The following CCDC102A variants were observed in gnomAD, a reference collection of about 807,000 sequenced individuals.
CCDC102A encodes coiled-coil domain-containing protein 102A.
A neutral mutation model predicts 55.5 loss-of-function variants in CCDC102A; 40 were observed. The observed-to-expected ratio is 0.72, with a 90% CI of 0.56 to 0.94. CCDC102A has a LOEUF of 0.94. CCDC102A is among the 40% of genes least tolerant of loss of function. The pLI is 0.00. For synonymous variants in CCDC102A, 323 were observed against 339.0 expected, an observed-to-expected ratio of 0.95 and a Z score of 0.52; for missense variants, 779 against 768.6, an observed-to-expected ratio of 1.01 and a Z score of -0.16.
chr16:57,520,094 A>G (rs547750906), intron 4 of CCDC102A, among the ~76,000 whole-genome samples: 2 of 152,322 alleles, frequency 1.3e-5, no homozygotes, highest in South Asian at 4.1e-4. Context: ...GGCTGCCATG[A>G]GGCTTCAGTG....
intron 1 of CCDC102A, among the ~76,000 whole-genome samples, chr16:57,533,426 T>TACAGCACAGCCCTGGGGAC (rs2032308021): frequency 1.3e-5 from 2 of 151,364 alleles, no homozygotes; most frequent in Admixed American, 6.6e-5. Flanking sequence ...GCCCCACTCA[T>TACAGCACAGCCCTGGGGAC]ACAGCACAGC....
intron 2 of CCDC102A, among the ~76,000 whole-genome samples, chr16:57,527,997 G>C (rs368358661): frequency 1.3e-5 from 2 of 152,322 alleles, no homozygotes; most frequent in East Asian, 1.9e-4. Context: ...GCCCAGGCTG[G>C]AGTGCAGCAG....
intron 2 of CCDC102A, among the ~76,000 whole-genome samples, chr16:57,527,418 CTT>C (rs779320962): frequency 1.9e-4 from 17 of 87,454 alleles, no homozygotes; most frequent in African/African-American, 7.7e-4. Flanking sequence ...ATTGCTGCTG[CTT>C]TTTTTTTTTT....
intron 2 of CCDC102A, among the ~76,000 whole-genome samples, chr16:57,527,515 G>T (rs1393254933): frequency 6.6e-6 from 1 of 151,468 alleles, no homozygotes; most frequent in Non-Finnish European, 1.5e-5. Context: ...CACCTCTCGG[G>T]TTAAAGCAAT....
chr16:57,528,532 A>T (rs966571878), intron 2 of CCDC102A, 61 bp downstream of exon 2: 4 of 1,094,972 alleles, frequency 3.7e-6, no homozygotes, highest in East Asian at 1.0e-4. Flanking sequence ...CCAGCAGCTC[A>T]GGACAATCGG....
At chr16:57,513,507 T>C (rs969828236) in intron 8 of CCDC102A, among the ~76,000 whole-genome samples, 6 of 152,174 alleles carry the variant, frequency 3.9e-5, no homozygotes, top group Non-Finnish European at 7.3e-5. Flanking sequence ...TGCACAGTGA[T>C]TTAGTGAGCT....
Position 57,528,914 on chromosome 16 carries a change from C to G in CCDC102A, c.264G>C (p.Ala88=). Residue 88 remains alanine, a synonymous_variant, in exon 2 of 9, where the codon GCG becomes GCC. Coordinates refer to ENST00000258214, the MANE Select transcript of CCDC102A (RefSeq NM_033212.4). ...RELEEARARA[A]QMEKTMRRWS... is the part of the protein sequence containing the mutation. ...ACCGGCGCATGGTCTTCTCCATCTGCGCCGCCCGCGCCCGCGCCTCCTCCA... is the reference window on the plus strand; with the variant it reads ...ACCGGCGCATGGTCTTCTCCATCTGGGCCGCCCGCGCCCGCGCCTCCTCCA... The G allele has an allele frequency of 2.1e-6, 3 of 1,404,092 alleles. No individual in the cohort carries two copies. Among genetic ancestry groups the G allele is most frequent in the Non-Finnish European group, 2.8e-6 (3 of 1,070,476 alleles). The allele number at this position is 1,404,092 out of a possible 1,614,324, so 87.0% of individuals were successfully genotyped here.
chr16:57,522,360 T>C (rs2032066854), intron 3 of CCDC102A, among the ~76,000 whole-genome samples: 1 of 152,038 alleles, frequency 6.6e-6, no homozygotes, highest in African/African-American at 2.4e-5. Context: ...GGGGAGGTGG[T>C]CAGGGCTCCA....
intron 1 of CCDC102A, among the ~76,000 whole-genome samples, chr16:57,532,500 G>A (rs2032285197): frequency 6.6e-6 from 1 of 152,118 alleles, no homozygotes; most frequent in Non-Finnish European, 1.5e-5. Context: ...ACACAGACAT[G>A]CAATCCCATG....
Position 57,512,519 on chromosome 16 carries a change from C to CGCGT in CCDC102A, c.*221_*222insACGC, listed in dbSNP as rs1409836422. ...GTCCAAAGACTTCTGGGTGTGCGCG[C>CGCGT]GCGCGCGCGCGTGTGTGTATATATA... On this transcript the variant is annotated 3_prime_UTR_variant, in exon 9 of 9. Coordinates refer to ENST00000258214, the MANE Select transcript of CCDC102A (RefSeq NM_033212.4). 2.2e-6 allele frequency: 1 copy of CGCGT among 462,974 alleles called. No individual in the cohort carries two copies. Among genetic ancestry groups the CGCGT allele is most frequent in the Non-Finnish European group, 3.7e-6 (1 of 270,676 alleles). 28.7% of individuals were successfully genotyped at this position (462,974 alleles called of 1,614,324 possible).
chr16:57,536,623 C>G (rs1271445021), upstream of CCDC102A: 2 of 152,120 alleles, frequency 1.3e-5, no homozygotes, highest in Non-Finnish European at 2.9e-5. Context: ...TCCTCCCTCC[C>G]GGGGGGAGGG....
At position 57,526,134 on chromosome 16, in the gene CCDC102A, G is replaced by T; in HGVS notation, c.586-7C>A. The T allele has an allele frequency of 2.0e-6, 3 of 1,525,054 alleles. No individual in the cohort carries two copies. Among genetic ancestry groups the T allele is most frequent in the South Asian group, 2.4e-5 (2 of 82,002 alleles). The allele number at this position is 1,525,054 out of a possible 1,614,324, so 94.5% of individuals were successfully genotyped here. A position where few individuals can be genotyped will look rare whatever the true frequency, so the allele number is the denominator to read the frequency against. Reference sequence around the variant, plus strand: ...TCTCCACCAGCTCCAGTTCCTGCGGGGACCAAGGTGGAGGCTGGACCAGTG... The same window carrying T: ...TCTCCACCAGCTCCAGTTCCTGCGGTGACCAAGGTGGAGGCTGGACCAGTG... On this transcript the variant is annotated splice_region_variant and splice_polypyrimidine_tract_variant and intron_variant, in intron 2 of 8. Transcript: ENST00000258214.
In CCDC102A at chr16:57,512,273, C is replaced by T; in HGVS notation, c.*468G>A. 6 of 397,390 alleles carry T rather than the reference C, an allele frequency of 1.5e-5. No individual in the cohort carries two copies. Among genetic ancestry groups the T allele is most frequent in the Non-Finnish European group, 2.7e-5 (6 of 225,808 alleles). 24.6% of individuals were successfully genotyped at this position (397,390 alleles called of 1,614,324 possible). A position where few individuals can be genotyped will look rare whatever the true frequency, so the allele number is the denominator to read the frequency against. ...GATGCCGTCCCCCACAACCCCCGCC[C>T]ACATCTGCCATACTTTCAGATGCCC... On this transcript the variant is annotated 3_prime_UTR_variant, in exon 9 of 9. Transcript: ENST00000258214.
intron 8 of CCDC102A, among the ~76,000 whole-genome samples, chr16:57,514,749 C>A (rs765550024): frequency 3.9e-5 from 6 of 152,190 alleles, no homozygotes; most frequent in Non-Finnish European, 8.8e-5. Context: ...CGGCACAGGT[C>A]AATGCTGTGG....
At chr16:57,521,512 G>A (rs1289209560) in intron 3 of CCDC102A, among the ~76,000 whole-genome samples, 2 of 152,156 alleles carry the variant, frequency 1.3e-5, no homozygotes, top group African/African-American at 4.8e-5. Flanking sequence ...CCCCAGCACT[G>A]GCCACTCCAC....
intron 2 of CCDC102A, among the ~76,000 whole-genome samples, chr16:57,526,921 G>A (rs1474843554): frequency 6.6e-6 from 1 of 152,312 alleles, no homozygotes; most frequent in East Asian, 1.9e-4. Context: ...GAGAGGACTT[G>A]TTCTGGGCCA....
chr16:57,519,387 G>C (rs2032009768), intron 4 of CCDC102A, among the ~76,000 whole-genome samples: 1 of 152,194 alleles, frequency 6.6e-6, no homozygotes, highest in Admixed American at 6.5e-5. Context: ...AGCTAGCCTG[G>C]GAGGACGGGG....
chr16:57,520,596 A>ATAAC (rs1567602897), intron 4 of CCDC102A, among the ~76,000 whole-genome samples: 5 of 55,790 alleles, frequency 9.0e-5, no homozygotes, highest in African/African-American at 4.8e-4. Flanking sequence ...CATAACATAA[A>ATAAC]TAAAATAAAA....
At chr16:57,519,042 C>T (rs2032004894) in intron 4 of CCDC102A, among the ~76,000 whole-genome samples, 1 of 152,212 alleles carries the variant, frequency 6.6e-6, no homozygotes, top group Admixed American at 6.5e-5. Flanking sequence ...TCATACCACC[C>T]TCCTCCCACA....
Sources: gnomAD v4.1 joint callset for allele counts (sites outside exome capture counted in the v4.1 genomes callset) on GRCh38, gnomAD v4.1.1 for gene constraint, MANE v1.5 for transcripts, NCBI Gene and HGNC (gene_info 2026-07-23, HGNC 2026-07-21) for gene names.